Variants in LOC112694756 observed in about 807,000 individuals in gnomAD.
chr16:30,056,987 C>T, the LOC112694756 span, among the ~76,000 whole-genome samples: 5 of 150,694 alleles, frequency 3.3e-5, no homozygotes, highest in Non-Finnish European at 7.4e-5. Context: ...CTCGGCTCAC[C>T]GCAATCTCTG....
the LOC112694756 span, among the ~76,000 whole-genome samples, chr16:30,061,953 A>T: frequency 2.0e-5 from 3 of 152,016 alleles, no homozygotes; most frequent in African/African-American, 7.2e-5. Flanking sequence ...CTGTAATCCC[A>T]GCACTTTGGG....
At chr16:30,056,175 TCTC>T in the LOC112694756 span, among the ~76,000 whole-genome samples, 1 of 144,570 alleles carries the variant, frequency 6.9e-6, no homozygotes, top group African/African-American at 2.6e-5. Context: ...AGTGGTGTAA[TCTC>T]AGCTCACTGC....
chr16:30,067,680 G>A, the LOC112694756 span: 1 of 1,613,918 alleles, frequency 6.2e-7, no homozygotes. Context: ...AGGGCCTCCG[G>A]ACGTGAGGTT....
chr16:30,067,394 G>T, the LOC112694756 span: 2 of 1,614,064 alleles, frequency 1.2e-6, no homozygotes, highest in Non-Finnish European at 8.5e-7. Flanking sequence ...AATGGGTGGA[G>T]GGTGCAGGGT....
the LOC112694756 span, chr16:30,067,492 C>T: frequency 6.2e-7 from 1 of 1,613,616 alleles, no homozygotes; most frequent in Non-Finnish European, 8.5e-7. Context: ...ACCGAGAACA[C>T]CGAGGAGAAC....
At chr16:30,069,985 G>C in the LOC112694756 span, 2 of 1,613,922 alleles carry the variant, frequency 1.2e-6, no homozygotes, top group Non-Finnish European at 1.7e-6. Context: ...CGGGAAGAAG[G>C]AGAACCTGAA....
At chr16:30,069,635 T>C in the LOC112694756 span, 1 of 1,613,868 alleles carries the variant, frequency 6.2e-7, no homozygotes, top group Non-Finnish European at 8.5e-7. Flanking sequence ...ATGGCGACCG[T>C]CACAGCGCTG....
the LOC112694756 span, among the ~76,000 whole-genome samples, chr16:30,058,479 T>C: frequency 4.0e-5 from 6 of 150,430 alleles, no homozygotes; most frequent in Admixed American, 4.0e-4. Context: ...CTGCTTCTTT[T>C]TTTTTTCTTT....
the LOC112694756 span, chr16:30,063,911 G>A: frequency 2.5e-6 from 1 of 399,130 alleles, no homozygotes. Context: ...TCCCTGAAGA[G>A]CCTTTCCCCA....
the LOC112694756 span, chr16:30,064,051 AAG>A: frequency 1.3e-5 from 5 of 398,884 alleles, no homozygotes; most frequent in Middle Eastern, 6.2e-4. Flanking sequence ...AGGGCCAGAA[AAG>A]AGAGGGGCTA....
chr16:30,069,287 C>G, the LOC112694756 span: 1 of 1,613,920 alleles, frequency 6.2e-7, no homozygotes, highest in Non-Finnish European at 8.5e-7. Context: ...TCACAGTGAC[C>G]CTGTCCCTCG....
At chr16:30,069,531 C>T in the LOC112694756 span, 4 of 1,614,104 alleles carry the variant, frequency 2.5e-6, no homozygotes, top group Non-Finnish European at 3.4e-6. Context: ...CTCTGAGTGA[C>T]CACCACATCT....
the LOC112694756 span, chr16:30,066,841 C>T: frequency 2.0e-6 from 3 of 1,527,498 alleles, no homozygotes; most frequent in African/African-American, 1.4e-5. Context: ...GCTTGATTCA[C>T]GATCTTTACA....
At chr16:30,070,257 C>G in the LOC112694756 span, 1 of 1,597,066 alleles carries the variant, frequency 6.3e-7, no homozygotes, top group Middle Eastern at 1.7e-4. Context: ...GGCCCTGCCC[C>G]CTCCCACTCT....
chr16:30,068,061 A>C, the LOC112694756 span: 345 of 227,794 alleles, frequency 1.5e-3, no homozygotes, highest in African/African-American at 8.0e-3. Context: ...ATTTTAAGTA[A>C]ATTTTTTTTT....
At chr16:30,066,792 C>A in the LOC112694756 span, 1 of 1,394,100 alleles carries the variant, frequency 7.2e-7, no homozygotes, top group Non-Finnish European at 9.7e-7. Context: ...AGACCTTTCC[C>A]ATATCTGGGC....
chr16:30,062,721 A>AAGG, the LOC112694756 span, among the ~76,000 whole-genome samples: 1 of 151,744 alleles, frequency 6.6e-6, no homozygotes, highest in Non-Finnish European at 1.5e-5. Context: ...CATGCCTGTA[A>AAGG]TCCCACCTAC....
the LOC112694756 span, among the ~76,000 whole-genome samples, chr16:30,056,504 ATAC>A: frequency 6.6e-6 from 1 of 152,214 alleles, no homozygotes; most frequent in Non-Finnish European, 1.5e-5. Flanking sequence ...TATCTCTCAT[ATAC>A]TAATACAGTA....
the LOC112694756 span, chr16:30,070,311 G>A: frequency 1.2e-4 from 139 of 1,175,846 alleles, no homozygotes; most frequent in Admixed American, 5.0e-4. Context: ...TGGCTTGCCC[G>A]CGCTCTTTCT....
Sources: allele counts gnomAD v4.1 joint callset (sites outside exome capture counted in the v4.1 genomes callset), GRCh38; gene constraint gnomAD v4.1.1; transcripts MANE v1.5.